Variants in SETBP1 observed in about 807,000 individuals in gnomAD.
SETBP1 encodes the protein SET-binding protein.
SETBP1 carries 9 observed loss-of-function variants against 101.0 expected under a neutral mutation model. The observed-to-expected ratio is 0.09, with a 90% CI of 0.05 to 0.16. SETBP1 has a LOEUF of 0.16. Ranked by LOEUF, SETBP1 falls within the 10% of genes least tolerant of loss-of-function variation. The pLI is 1.00. For synonymous variants in SETBP1, 818 were observed against 788.5 expected (o/e 1.04, Z -0.63); for missense variants, 1,858 against 2,033.8 (o/e 0.91, Z 1.66).
intron 2 of SETBP1, among the ~76,000 whole-genome samples, chr18:44,839,191 G>T (rs1248360064): frequency 2.6e-5 from 4 of 152,172 alleles, no homozygotes; most frequent in Non-Finnish European, 5.9e-5. Context: ...TGCTCAGCTG[G>T]CAGTGTCTTA....
At position 45,053,561 on chromosome 18, in the gene SETBP1, T is replaced by C. The variant is rs189778650; in HGVS notation, c.4172-9518T>C. 3.5e-3 allele frequency among the ~76,000 whole-genome samples: 528 copies of C among 152,286 alleles called. 11 individuals are homozygous for C. The highest frequency in any genetic ancestry group is 0.033 in the Admixed American group (509 of 15,296). On this transcript the variant is annotated intron_variant, in intron 5 of 5. Transcript: ENST00000649279. ...CCTGGTCAATATGTTTTCCATCAGA[T>C]TGCCAAGTATGCTAGCTAATACATA...
At chr18:44,755,261 A>T (rs2070466247) in intron 2 of SETBP1, among the ~76,000 whole-genome samples, 1 of 152,192 alleles carries the variant, frequency 6.6e-6, no homozygotes, top group Admixed American at 6.5e-5. Flanking sequence ...TGTCAACTTG[A>T]TTGGATTGAG....
intron 3 of SETBP1, among the ~76,000 whole-genome samples, chr18:44,922,303 T>C (rs1391826471): frequency 1.3e-5 from 2 of 152,214 alleles, no homozygotes; most frequent in African/African-American, 4.8e-5. Flanking sequence ...TTTTGGTAAG[T>C]AAGTTGCCCC....
At chr18:44,916,628 G>C (rs184527718) in intron 3 of SETBP1, among the ~76,000 whole-genome samples, 1 of 152,214 alleles carries the variant, frequency 6.6e-6, no homozygotes, top group Non-Finnish European at 1.5e-5. Context: ...TGGTGAATAC[G>C]GCATAAAGTA....
chr18:45,058,475 C>T (rs1050245464), intron 5 of SETBP1, among the ~76,000 whole-genome samples: 3 of 152,176 alleles, frequency 2.0e-5, no homozygotes, highest in African/African-American at 2.4e-5. Context: ...AAAAGAATTA[C>T]GGCAAACTAA....
At chr18:45,025,898 T>C (rs2073155671) in intron 4 of SETBP1, among the ~76,000 whole-genome samples, 2 of 152,210 alleles carry the variant, frequency 1.3e-5, no homozygotes, top group Non-Finnish European at 2.9e-5. Context: ...CCAGTAAATG[T>C]GCATTTATCT....
At chr18:44,727,049 G>C (rs2069723672) in intron 2 of SETBP1, among the ~76,000 whole-genome samples, 1 of 152,138 alleles carries the variant, frequency 6.6e-6, no homozygotes, top group Non-Finnish European at 1.5e-5. Flanking sequence ...ACATGTTTCA[G>C]TTTTGCTGTT....
intron 5 of SETBP1, among the ~76,000 whole-genome samples, chr18:45,047,930 T>C (rs1457837134): frequency 6.6e-6 from 1 of 152,198 alleles, no homozygotes; most frequent in Non-Finnish European, 1.5e-5. Flanking sequence ...CATCCCAACA[T>C]ATCTTCCCAA....
At chr18:44,809,105 G>C (rs2071807486) in intron 2 of SETBP1, among the ~76,000 whole-genome samples, 2 of 152,206 alleles carry the variant, frequency 1.3e-5, no homozygotes, top group African/African-American at 4.8e-5. Flanking sequence ...AGAGAAAACA[G>C]AGCAGAAGTT....
chr18:44,965,376 C>T (rs1432360216), intron 4 of SETBP1, among the ~76,000 whole-genome samples: 1 of 151,704 alleles, frequency 6.6e-6, no homozygotes, highest in Non-Finnish European at 1.5e-5. Context: ...TCACTCATAC[C>T]AAGAGCATTT....
chr18:44,962,111 C>T (rs545171367), intron 4 of SETBP1, among the ~76,000 whole-genome samples: 1 of 152,294 alleles, frequency 6.6e-6, no homozygotes, highest in South Asian at 2.1e-4. Context: ...AGTTAGCATT[C>T]GTAAAACAAC....
chr18:44,788,677 GAGTACTGTTTT>G (rs1258071196), intron 2 of SETBP1, among the ~76,000 whole-genome samples: 2 of 152,130 alleles, frequency 1.3e-5, no homozygotes, highest in East Asian at 1.9e-4. Flanking sequence ...GGCAAGCATG[GAGTACTGTTTT>G]AGTACTGTTT....
At chr18:44,863,206 C>G (rs977427071) in intron 2 of SETBP1, among the ~76,000 whole-genome samples, 1 of 152,182 alleles carries the variant, frequency 6.6e-6, no homozygotes, top group African/African-American at 2.4e-5. Flanking sequence ...AGACCCCTTT[C>G]CTTTTCTCTG....
At chr18:44,829,173 G>C (rs1367565787) in intron 2 of SETBP1, among the ~76,000 whole-genome samples, 2 of 152,200 alleles carry the variant, frequency 1.3e-5, no homozygotes, top group Non-Finnish European at 2.9e-5. Context: ...TACAAGCCCT[G>C]TTTGGGTCCA....
intron 2 of SETBP1, among the ~76,000 whole-genome samples, chr18:44,717,872 GA>G (rs2069501144): frequency 6.6e-6 from 1 of 152,036 alleles, no homozygotes; most frequent in Non-Finnish European, 1.5e-5. Context: ...TCCTCCTAAG[GA>G]CATAGAATTT....
chr18:44,700,012 G>A (rs369060633), intron 1 of SETBP1, among the ~76,000 whole-genome samples: 54 of 152,172 alleles, frequency 3.5e-4, no homozygotes, highest in African/African-American at 1.2e-3. Flanking sequence ...CTTCTGCTGG[G>A]AAACTTAAGT....
At chr18:44,906,275 C>A (rs2070172993) in intron 3 of SETBP1, among the ~76,000 whole-genome samples, 1 of 152,148 alleles carries the variant, frequency 6.6e-6, no homozygotes, top group Admixed American at 6.5e-5. Flanking sequence ...CTGTAGAAAG[C>A]TCCAGGAAAG....
At chr18:45,020,309 G>A (rs139596234) in intron 4 of SETBP1, among the ~76,000 whole-genome samples, 14 of 130,102 alleles carry the variant, frequency 1.1e-4, no homozygotes, top group South Asian at 2.5e-4. Context: ...GCTTCTCCTC[G>A]AAGGCAACAC....
intron 4 of SETBP1, among the ~76,000 whole-genome samples, chr18:44,983,203 A>T (rs1429303414): frequency 6.6e-6 from 1 of 152,154 alleles, no homozygotes; most frequent in Non-Finnish European, 1.5e-5. Flanking sequence ...AGTTGGAGGC[A>T]TTTCTTCAAG....
Sources: gnomAD v4.1 joint callset for allele counts (sites outside exome capture counted in the v4.1 genomes callset) on GRCh38, gnomAD v4.1.1 for gene constraint, MANE v1.5 for transcripts, NCBI Gene and HGNC (gene_info 2026-07-23, HGNC 2026-07-21) for gene names.